The following RNF121 variants were observed in gnomAD, a reference collection of about 807,000 sequenced individuals.
The protein encoded by RNF121 is ring finger protein 121.
A neutral mutation model predicts 46.5 loss-of-function variants in RNF121; 21 were observed. The ratio of observed to expected loss-of-function variants is 0.45; its 90% CI spans 0.32 to 0.65. The LOEUF (loss-of-function observed/expected upper bound fraction) is 0.65, where lower values mean the gene tolerates loss of function less well. Ranked by LOEUF, RNF121 falls within the 30% of genes least tolerant of loss-of-function variation. The probability of loss-of-function intolerance (pLI) is 0.04; values close to 1 mark genes in which losing one functional copy is unlikely to be tolerated. For missense variants in RNF121, 346 were observed against 416.0 expected (o/e 0.83, Z 1.46); for synonymous variants, 139 against 144.7 (o/e 0.96, Z 0.28).
intron 4 of RNF121, 106 bp downstream of exon 4, chr11:71,983,021 C>A: frequency 1.7e-6 from 2 of 1,180,368 alleles, no homozygotes; most frequent in Non-Finnish European, 2.2e-6. Context: ...GTTTTGTCTG[C>A]CAAAATTATT....
intron 1 of RNF121, among the ~76,000 whole-genome samples, chr11:71,956,333 G>T (rs1486931408): frequency 1.3e-5 from 2 of 152,128 alleles, no homozygotes; most frequent in Non-Finnish European, 2.9e-5. Flanking sequence ...GCTTCTGTAT[G>T]ACTGCAAGGA....
intron 3 of RNF121, among the ~76,000 whole-genome samples, chr11:71,971,664 A>G (rs1309047539): frequency 1.3e-5 from 2 of 152,252 alleles, no homozygotes; most frequent in East Asian, 3.9e-4. Context: ...CCAAAAGGCC[A>G]TTAAGCATGA....
At chr11:71,978,069 T>C (rs952512201) in intron 3 of RNF121, 6 of 305,236 alleles carry the variant, frequency 2.0e-5, no homozygotes, top group African/African-American at 7.0e-5. Context: ...AAATTTTTTG[T>C]ATTTTTTTTT....
intron 6 of RNF121, among the ~76,000 whole-genome samples, chr11:71,991,445 C>G (rs1954861963): frequency 6.6e-6 from 1 of 152,078 alleles, no homozygotes; most frequent in Admixed American, 6.6e-5. Flanking sequence ...AAACTTTACT[C>G]TTAGGTGGGA....
At chr11:71,985,494 C>T (rs1954755057) in intron 4 of RNF121, among the ~76,000 whole-genome samples, 1 of 152,172 alleles carries the variant, frequency 6.6e-6, no homozygotes, top group Non-Finnish European at 1.5e-5. Flanking sequence ...GTGATCAGTG[C>T]AATCCCTGGA....
At chr11:71,929,680 G>A (rs1953219407) in intron 1 of RNF121, among the ~76,000 whole-genome samples, 1 of 152,222 alleles carries the variant, frequency 6.6e-6, no homozygotes, top group Non-Finnish European at 1.5e-5. Flanking sequence ...GAAGGAACAA[G>A]TGGATGAATA....
At position 71,953,334 on chromosome 11, in the gene RNF121, C is replaced by G. The variant is rs995048432; in HGVS notation, c.64-3893C>G. 3.9e-5 allele frequency among the ~76,000 whole-genome samples: 6 copies of G among 152,180 alleles called. No homozygotes were observed. The South Asian group carries it at 1.0e-3, about 26-fold the overall frequency. The stretch of plus-strand genomic sequence containing the variant: ...AGGCATGAGCCACCGTGCCCAACCT[C>G]AGAATAGCACACTTTAAATGGGTGA... On this transcript the variant is annotated intron_variant, in intron 1 of 8. Transcript: ENST00000361756.
intron 3 of RNF121, among the ~76,000 whole-genome samples, chr11:71,961,956 AT>A (rs1472638544): frequency 7.0e-6 from 1 of 143,442 alleles, no homozygotes; most frequent in Non-Finnish European, 1.5e-5. Context: ...ATTTTGGCTA[AT>A]CTGCAAAGAT....
intron 6 of RNF121, among the ~76,000 whole-genome samples, chr11:71,991,194 T>C (rs1954857347): frequency 6.6e-6 from 1 of 151,632 alleles, no homozygotes; most frequent in African/African-American, 2.4e-5. Flanking sequence ...GTAACAAACC[T>C]GCACATGTAC....
At chr11:71,973,764 G>A (rs924328932) in intron 3 of RNF121, among the ~76,000 whole-genome samples, 4 of 151,888 alleles carry the variant, frequency 2.6e-5, no homozygotes, top group Non-Finnish European at 5.9e-5. Flanking sequence ...TCTAGCCTGG[G>A]TGACAAGAGT....
chr11:71,957,406 C>CT (rs1312235649), intron 2 of RNF121, 142 bp downstream of exon 2: 2 of 714,532 alleles, frequency 2.8e-6, no homozygotes, highest in Non-Finnish European at 5.1e-6. Context: ...TGGGATCTCT[C>CT]TAAGTATCTG....
At chr11:71,957,794 A>G (rs1954026672) in intron 2 of RNF121, among the ~76,000 whole-genome samples, 1 of 152,192 alleles carries the variant, frequency 6.6e-6, no homozygotes, top group Admixed American at 6.5e-5. Context: ...TGTTTTGTAA[A>G]TAGAATGAGC....
intron 1 of RNF121, among the ~76,000 whole-genome samples, chr11:71,952,782 G>A (rs182365735): frequency 6.6e-6 from 1 of 150,988 alleles, no homozygotes; most frequent in East Asian, 2.0e-4. Context: ...CACTCTAGCT[G>A]GGGCGATAGA....
chr11:71,968,742 G>C lies in RNF121; in HGVS notation c.243+7851G>C, dbSNP rs1218147298. 3.3e-5 allele frequency among the ~76,000 whole-genome samples: 5 copies of C among 151,994 alleles called. No individual in the cohort carries two copies. The East Asian group carries it at 9.6e-4, about 29-fold the overall frequency. The stretch of plus-strand genomic sequence containing the variant: ...CGCTGGGGCTGTGCTCAGTTATATT[G>C]TTTCCTTTGTGGAGAAACAACTTTG... On this transcript the variant is annotated intron_variant, in intron 3 of 8. Transcript: ENST00000361756.
chr11:71,990,551 A>G, intron 5 of RNF121, 46 bp from the exon 6 acceptor site: 1 of 1,604,548 alleles, frequency 6.2e-7, no homozygotes, highest in Non-Finnish European at 8.5e-7. Context: ...TCCATAGAAG[A>G]TATGTCTCAG....
At position 71,939,364 on chromosome 11, in the gene RNF121, A is replaced by G. The variant is rs547237702; in HGVS notation, c.63+10240A>G. 16 of 157,492 alleles carry G rather than the reference A, an allele frequency of 1.0e-4. 1 individual carries two copies. The South Asian group carries it at 2.7e-3, about 27-fold the overall frequency. 9.8% of individuals were successfully genotyped at this position (157,492 alleles called of 1,614,324 possible). On this transcript the variant is annotated intron_variant, in intron 1 of 8. Transcript: ENST00000361756. ...CAATGGAATGGCTTACATGGCTTCT[A>G]TAAAGTGACATCTTTCAGATACTTT...
chr11:71,953,069 T>C (rs1953920519), intron 1 of RNF121, among the ~76,000 whole-genome samples: 1 of 152,230 alleles, frequency 6.6e-6, no homozygotes, highest in Non-Finnish European at 1.5e-5. Context: ...GGTCTTGCAC[T>C]GTCACCCAGA....
At chr11:71,950,146 T>C (rs190417308) in intron 1 of RNF121, among the ~76,000 whole-genome samples, 17 of 152,284 alleles carry the variant, frequency 1.1e-4, no homozygotes, top group African/African-American at 4.1e-4. Flanking sequence ...TCTGAAATGC[T>C]AGGTTGCTCA....
chr11:71,991,104 A>G (rs910836511), intron 6 of RNF121, among the ~76,000 whole-genome samples: 1 of 152,204 alleles, frequency 6.6e-6, no homozygotes, highest in African/African-American at 2.4e-5. Flanking sequence ...TTGAAAAACT[A>G]TCTGTTAGGT....
Sources: allele counts gnomAD v4.1 joint callset (sites outside exome capture counted in the v4.1 genomes callset), GRCh38; gene constraint gnomAD v4.1.1; transcripts MANE v1.5; gene names NCBI Gene and HGNC (gene_info 2026-07-23, HGNC 2026-07-21).